The following WWOX variants were observed in gnomAD, a reference collection of about 807,000 sequenced individuals.
WWOX encodes the protein WW domain-containing oxidoreductase.
A neutral mutation model predicts 46.2 loss-of-function variants in WWOX; 69 were observed. The ratio of observed to expected loss-of-function variants is 1.49; its 90% CI spans 1.23 to 1.82. WWOX has a LOEUF of 1.82. Ranked by LOEUF, WWOX falls within the 40% of genes most tolerant of loss-of-function variation. The pLI is 0.00. For missense variants in WWOX, 919 were observed against 542.6 expected (o/e 1.69, Z -6.89); for synonymous variants, 359 against 202.6 (o/e 1.77, Z -6.56).
chr16:78,896,445 A>G (rs1455075651), intron 8 of WWOX: 1 of 152,138 alleles, frequency 6.6e-6, no homozygotes, highest in Non-Finnish European at 1.5e-5. Context: ...CTGAAGCCAC[A>G]CCGCAAACTT....
chr16:79,139,936 G>A (rs1222974357), intron 8 of WWOX, among the ~76,000 whole-genome samples: 2 of 152,138 alleles, frequency 1.3e-5, no homozygotes, highest in Admixed American at 6.5e-5. Context: ...CTCCAAATAC[G>A]GACTTGTACA....
At chr16:78,925,747 G>C (rs2045482814) in intron 8 of WWOX, among the ~76,000 whole-genome samples, 1 of 152,188 alleles carries the variant, frequency 6.6e-6, no homozygotes, top group African/African-American at 2.4e-5. Context: ...TTCTCTCTAA[G>C]GGTGAAGATG....
At chr16:78,756,709 C>T (rs937463585) in intron 8 of WWOX, among the ~76,000 whole-genome samples, 5 of 152,238 alleles carry the variant, frequency 3.3e-5, no homozygotes, top group Admixed American at 2.6e-4. Context: ...AAGCAACTAC[C>T]ATATCTAATT....
At chr16:79,113,954 G>A (rs567423192) in intron 8 of WWOX, among the ~76,000 whole-genome samples, 7 of 152,326 alleles carry the variant, frequency 4.6e-5, no homozygotes, top group South Asian at 2.1e-4. Context: ...CAGCCACAAC[G>A]TGTTCTTGAC....
intron 7 of WWOX, among the ~76,000 whole-genome samples, chr16:78,426,654 G>A (rs1184301396): frequency 6.6e-6 from 1 of 152,136 alleles, no homozygotes; most frequent in African/African-American, 2.4e-5. Flanking sequence ...TTTGCACATC[G>A]TTATTTATTA....
chr16:78,968,179 G>GTGGCACAGCGCGTGGTCCGCA (rs1567446148), intron 8 of WWOX, among the ~76,000 whole-genome samples: 2,148 of 149,710 alleles, frequency 0.014, 74 homozygotes, highest in African/African-American at 0.051. Context: ...CGTGGTCTGC[G>GTGGCACAGCGCGTGGTCCGCA]TGGCACAGTG....
At chr16:78,961,164 A>T (rs748217619) in intron 8 of WWOX, among the ~76,000 whole-genome samples, 1 of 152,208 alleles carries the variant, frequency 6.6e-6, no homozygotes, top group Non-Finnish European at 1.5e-5. Context: ...ATAGTCTCCT[A>T]AAAGCCAGGG....
chr16:79,045,850 G>A (rs1420408737), intron 8 of WWOX, among the ~76,000 whole-genome samples: 2 of 121,274 alleles, frequency 1.6e-5, no homozygotes, highest in African/African-American at 3.3e-5. Flanking sequence ...TGCCCAGGCT[G>A]GAGTGCAGTG....
Position 78,327,451 on chromosome 16 carries a change from T to C in WWOX, c.517-59409T>C, listed in dbSNP as rs1313715580. ...ACCCTCAGTGTGGAAGGAGAAAGCA[T>C]GACCCACTGGGCAGGACACAGAAGG... On this transcript the variant is annotated intron_variant, in intron 5 of 8. Coordinates refer to ENST00000566780, the MANE Select transcript of WWOX (RefSeq NM_016373.4). 2.0e-5 allele frequency among the ~76,000 whole-genome samples: 3 copies of C among 152,212 alleles called. No individual in the cohort carries two copies. The East Asian group carries it at 5.8e-4, about 29-fold the overall frequency.
chr16:78,267,960 G>A (rs1316894932), intron 5 of WWOX, among the ~76,000 whole-genome samples: 1 of 152,084 alleles, frequency 6.6e-6, no homozygotes, highest in Admixed American at 6.5e-5. Context: ...TGGGACTATA[G>A]GTGCGTGCCC....
At chr16:79,000,634 G>T (rs1399547102) in intron 8 of WWOX, among the ~76,000 whole-genome samples, 3 of 152,188 alleles carry the variant, frequency 2.0e-5, no homozygotes, top group African/African-American at 7.2e-5. Context: ...AGAACTTCCA[G>T]AAAGGCACGA....
chr16:78,740,255 C>G (rs1304313395), intron 8 of WWOX, among the ~76,000 whole-genome samples: 1 of 152,174 alleles, frequency 6.6e-6, no homozygotes, highest in Non-Finnish European at 1.5e-5. Context: ...TCTTACAATG[C>G]TGATGCGACT....
intron 5 of WWOX, among the ~76,000 whole-genome samples, chr16:78,329,107 A>C (rs1284445039): frequency 1.3e-5 from 2 of 152,174 alleles, no homozygotes; most frequent in African/African-American, 2.4e-5. Context: ...ATGATTCACC[A>C]ACCTTGGCCT....
chr16:78,413,654 A>G (rs988288313), intron 6 of WWOX, among the ~76,000 whole-genome samples: 2 of 151,526 alleles, frequency 1.3e-5, no homozygotes, highest in African/African-American at 4.8e-5. Flanking sequence ...GATGCATACG[A>G]GCAGGTCACT....
At chr16:78,499,079 A>G (rs575609701) in intron 8 of WWOX, among the ~76,000 whole-genome samples, 2 of 152,340 alleles carry the variant, frequency 1.3e-5, no homozygotes, top group East Asian at 3.9e-4. Flanking sequence ...TGTTGAGTCA[A>G]TAATTAACTG....
chr16:78,552,237 C>A (rs920090890), intron 8 of WWOX: 3 of 152,120 alleles, frequency 2.0e-5, no homozygotes, highest in Non-Finnish European at 2.9e-5. Context: ...AATGCCGTTC[C>A]GATGAGGCCG....
rs370318319 is a variant in WWOX, at chr16:78,900,426, C to T, written c.1057-311182C>T. On this transcript the variant is annotated intron_variant, in intron 8 of 8. Coordinates refer to ENST00000566780, the MANE Select transcript of WWOX (RefSeq NM_016373.4). ...CCAAATAATTTGTTTTTTATTTTTC[C>T]TTAAAAATGAGACTTTCTGTTAGGA... 7.9e-5 allele frequency among the ~76,000 whole-genome samples: 12 copies of T among 152,110 alleles called. No homozygotes were observed. In the South Asian group the frequency reaches 2.3e-3, roughly 29 times the overall value.
At position 78,337,904 on chromosome 16, in the gene WWOX, G is replaced by C. The variant is rs371217801; in HGVS notation, c.517-48956G>C. ...TGTAGAAGCGCCCTCTCTGTTCCTG[G>C]CAGTGCCTGTCCTGCTAACCTCGTG... On this transcript the variant is annotated intron_variant, in intron 5 of 8. Transcript: ENST00000566780. Among the ~76,000 whole-genome samples the C allele has an allele frequency of 9.6e-5, 11 of 114,328 alleles. 1 individual carries two copies. The highest frequency in any genetic ancestry group is 3.0e-4 in the African/African-American group (10 of 33,634). 75.0% of individuals were successfully genotyped at this position (114,328 alleles called of 152,430 possible). A position where few individuals can be genotyped will look rare whatever the true frequency, so the allele number is the denominator to read the frequency against.
intron 5 of WWOX, among the ~76,000 whole-genome samples, chr16:78,382,050 G>A (rs762257239): frequency 1.3e-5 from 2 of 152,066 alleles, no homozygotes; most frequent in Non-Finnish European, 2.9e-5. Flanking sequence ...TTTTTATATG[G>A]CCCATATTCA....
Sources: gnomAD v4.1 joint callset for allele counts (sites outside exome capture counted in the v4.1 genomes callset) on GRCh38, gnomAD v4.1.1 for gene constraint, MANE v1.5 for transcripts, NCBI Gene and HGNC (gene_info 2026-07-23, HGNC 2026-07-21) for gene names.